The following BCL9 variants were observed in gnomAD, a reference collection of about 807,000 sequenced individuals.
BCL9 encodes BCL9 transcription coactivator.
BCL9 carries 25 observed loss-of-function variants against 88.5 expected under a neutral mutation model. The observed-to-expected ratio is 0.28, with a 90% CI of 0.21 to 0.39. The LOEUF (loss-of-function observed/expected upper bound fraction) is 0.39, where lower values mean the gene tolerates loss of function less well. Among genes scored for constraint, BCL9 ranks in the 10% least tolerant of loss-of-function variants. BCL9 has a pLI of 1.00. For missense variants in BCL9, 1,817 were observed against 1,877.8 expected (o/e 0.97, Z 0.60); for synonymous variants, 711 against 673.3 (o/e 1.06, Z -0.87).
Position 147,625,105 on chromosome 1 carries a change from C to A in BCL9, c.*146C>A. The A allele has an allele frequency of 1.1e-6, 1 of 924,754 alleles. No homozygotes were observed. The highest frequency in any genetic ancestry group is 2.7e-5 in the East Asian group (1 of 36,816). The allele number at this position is 924,754 out of a possible 1,614,324, so 57.3% of individuals were successfully genotyped here. Reference sequence around the variant, plus strand: ...GGCTGCTTTGGGGGAGGGGGGAACTCGAGAATGTATGGATTTACCTGAAAA... The same window carrying A: ...GGCTGCTTTGGGGGAGGGGGGAACTAGAGAATGTATGGATTTACCTGAAAA... On this transcript the variant is annotated 3_prime_UTR_variant, in exon 10 of 10. Transcript: ENST00000234739.
chr1:147,556,284 A>ATTTT (rs113247802), intron 1 of BCL9, among the ~76,000 whole-genome samples: 12 of 143,200 alleles, frequency 8.4e-5, no homozygotes, highest in African/African-American at 2.8e-4. Flanking sequence ...ACTCCTGACT[A>ATTTT]TTTTTTTTTT....
At chr1:147,546,747 A>G (rs587623074) in intron 1 of BCL9, among the ~76,000 whole-genome samples, 24 of 152,366 alleles carry the variant, frequency 1.6e-4, no homozygotes, top group African/African-American at 5.5e-4. Flanking sequence ...CTATACGTCT[A>G]TATCTATCAT....
chr1:147,623,838 C>G lies in BCL9; in HGVS notation c.3164-4C>G. 6.3e-7 allele frequency: 1 copy of G among 1,595,302 alleles called. No homozygotes were observed. Among genetic ancestry groups the G allele is most frequent in the African/African-American group, 1.3e-5 (1 of 74,346 alleles). On this transcript the variant is annotated splice_polypyrimidine_tract_variant and splice_region_variant and intron_variant, in intron 9 of 9. Coordinates refer to ENST00000234739, the MANE Select transcript of BCL9 (RefSeq NM_004326.4). The stretch of plus-strand genomic sequence containing the variant: ...TGATTCCTTTGATATCTTTATTTTT[C>G]TAGGAATGGGCATTAATACACAGAA...
In BCL9 at chr1:147,615,795, C is replaced by T. The variant is rs782137974; in HGVS notation, c.561-8C>T. The T allele has an allele frequency of 4.3e-6, 7 of 1,611,522 alleles. No individual in the cohort carries two copies. In the Admixed American group the frequency reaches 8.3e-5, roughly 19 times the overall value. On this transcript the variant is annotated splice_polypyrimidine_tract_variant and splice_region_variant and intron_variant, in intron 6 of 9. Transcript: ENST00000234739. ...TTCTAGTGTGTGCTGTCTCTTCCATCTTTGCAGAGCTGCAGAAGCTGTTTT... is the reference window on the plus strand; with the variant it reads ...TTCTAGTGTGTGCTGTCTCTTCCATTTTTGCAGAGCTGCAGAAGCTGTTTT...
At chr1:147,595,846 T>C (rs1657024502) in intron 1 of BCL9, among the ~76,000 whole-genome samples, 1 of 152,186 alleles carries the variant, frequency 6.6e-6, no homozygotes, top group Non-Finnish European at 1.5e-5. Context: ...TGGTAAGGCA[T>C]GATGGACAAT....
chr1:147,588,293 G>A (rs1423192298), intron 1 of BCL9, among the ~76,000 whole-genome samples: 4 of 152,270 alleles, frequency 2.6e-5, no homozygotes, highest in African/African-American at 7.2e-5. Flanking sequence ...TGACTTGGCT[G>A]AACCCTCAAT....
chr1:147,543,036 T>C (rs1553193940), intron 1 of BCL9, among the ~76,000 whole-genome samples: 1 of 152,196 alleles, frequency 6.6e-6, no homozygotes, highest in Non-Finnish European at 1.5e-5. Context: ...GCCGGTGGTT[T>C]TGTGGATAAA....
intron 1 of BCL9, among the ~76,000 whole-genome samples, chr1:147,581,298 G>A (rs1283494567): frequency 6.6e-6 from 1 of 152,154 alleles, no homozygotes; most frequent in Non-Finnish European, 1.5e-5. Context: ...ACAGCTATAC[G>A]CTAATTGTGT....
chr1:147,559,107 G>A (rs190390173), intron 1 of BCL9, among the ~76,000 whole-genome samples: 5 of 140,006 alleles, frequency 3.6e-5, no homozygotes, highest in Admixed American at 2.2e-4. Context: ...TATTTTGAAG[G>A]TTTTTTCTTT....
In BCL9 at chr1:147,600,933, T is replaced by C. The variant is rs587691587; in HGVS notation, c.-477-3844T>C. 3.7e-3 allele frequency among the ~76,000 whole-genome samples: 566 copies of C among 152,242 alleles called. 2 individuals are homozygous for C. Among genetic ancestry groups the C allele is most frequent in the Non-Finnish European group, 6.2e-3 (423 of 68,018 alleles). On this transcript the variant is annotated intron_variant, in intron 1 of 9. Transcript: ENST00000234739. ...AAGTGGAGCCTGAGTCACTGGCCTT[T>C]GAAAGTTGCAAAGACTATTAAGATG... is the stretch of plus-strand genomic sequence containing the variant.
chr1:147,556,705 C>T (rs1242477456), intron 1 of BCL9, among the ~76,000 whole-genome samples: 1 of 152,006 alleles, frequency 6.6e-6, no homozygotes, highest in Non-Finnish European at 1.5e-5. Context: ...CACCTTGGCC[C>T]CCAAAGTGCT....
chr1:147,611,389 C>G (rs1168747695), intron 3 of BCL9, among the ~76,000 whole-genome samples, 189 bp from the exon 4 acceptor site: 2 of 152,166 alleles, frequency 1.3e-5, no homozygotes, highest in Non-Finnish European at 2.9e-5. Context: ...GTCCTAGTCA[C>G]CCTCCAGCTG....
intron 1 of BCL9, among the ~76,000 whole-genome samples, chr1:147,549,785 C>T (rs1553194641): frequency 6.6e-6 from 1 of 152,160 alleles, no homozygotes; most frequent in Non-Finnish European, 1.5e-5. Context: ...GCTCTGGGGA[C>T]AACCTTCTCT....
chr1:147,558,192 AT>A (rs1284167778), intron 1 of BCL9, among the ~76,000 whole-genome samples: 1 of 152,184 alleles, frequency 6.6e-6, no homozygotes, highest in Non-Finnish European at 1.5e-5. Context: ...AAGTCAAGTA[AT>A]TTGCCTAAAG....
Position 147,590,771 on chromosome 1 carries a change from A to G in BCL9, c.-477-14006A>G, listed in dbSNP as rs371996771. Among the ~76,000 whole-genome samples, 10 of 152,312 alleles carry G rather than the reference A, an allele frequency of 6.6e-5. No homozygotes were observed. In the South Asian group the frequency reaches 2.1e-3, roughly 32 times the overall value. On this transcript the variant is annotated intron_variant, in intron 1 of 9. Coordinates refer to ENST00000234739, the MANE Select transcript of BCL9 (RefSeq NM_004326.4). Reference sequence around the variant, plus strand: ...GTTACATAATACATGCAAAGCCCTTAGCACAGTGCATGGATGTATGAAGAG... The same window carrying G: ...GTTACATAATACATGCAAAGCCCTTGGCACAGTGCATGGATGTATGAAGAG...
intron 1 of BCL9, among the ~76,000 whole-genome samples, chr1:147,559,475 A>G (rs1389461783): frequency 6.6e-6 from 1 of 152,196 alleles, no homozygotes; most frequent in Non-Finnish European, 1.5e-5. Context: ...GTTCCTGTTT[A>G]GGTTAGGCAA....
chr1:147,609,659 T>C (rs1482381784), intron 3 of BCL9, among the ~76,000 whole-genome samples: 1 of 152,258 alleles, frequency 6.6e-6, no homozygotes, highest in Non-Finnish European at 1.5e-5. Context: ...TAATCTTTGC[T>C]ACCAGCTCAT....
intron 1 of BCL9, among the ~76,000 whole-genome samples, chr1:147,559,014 C>T (rs1553195743): frequency 1.3e-5 from 2 of 152,162 alleles, no homozygotes; most frequent in African/African-American, 2.4e-5. Context: ...TCTATGTAGG[C>T]AACTTGGACT....
In BCL9 at chr1:147,623,883, A is replaced by G; in HGVS notation, c.3205A>G (p.Asn1069Asp). The change falls in exon 10 of 10, where the codon AAC (asparagine) becomes GAC (aspartate). Residue 1069 changes from asparagine to aspartate, a missense_variant. Around this residue, in one of 2 missense-constraint regions of BCL9, gnomAD observed 589 missense variants for 686.2 expected, o/e 0.86. Coordinates refer to ENST00000234739, the MANE Select transcript of BCL9 (RefSeq NM_004326.4). ...NTQNPRISGP[N>D]PVVPMPTLSP... Reference sequence around the variant, plus strand: ...ACAGAATCCTCGAATTTCAGGTCCAAACCCCGTGGTTCCGATGCCAACCCT... The same window carrying G: ...ACAGAATCCTCGAATTTCAGGTCCAGACCCCGTGGTTCCGATGCCAACCCT... 1 of 1,614,134 alleles carries G rather than the reference A, an allele frequency of 6.2e-7. No individual in the cohort carries two copies. Among genetic ancestry groups the G allele is most frequent in the Non-Finnish European group, 8.5e-7 (1 of 1,180,002 alleles).
Sources: allele counts gnomAD v4.1 joint callset (sites outside exome capture counted in the v4.1 genomes callset), GRCh38; gene constraint gnomAD v4.1.1; regional missense constraint gnomAD v4.1.1; transcripts MANE v1.5; gene names NCBI Gene and HGNC (gene_info 2026-07-23, HGNC 2026-07-21).